CABIN1: variants seen among roughly 807,000 people sequenced by gnomAD.
The protein encoded by CABIN1 is calcineurin binding protein 1, also known as calcineurin-binding protein cabin-1.
CABIN1 carries 133 observed loss-of-function variants against 227.7 expected under a neutral mutation model. That is an observed-to-expected ratio of 0.58 (90% CI 0.51 to 0.67). The LOEUF is 0.67. Among genes scored for constraint, CABIN1 ranks in the 30% least tolerant of loss-of-function variants. The pLI, the probability that CABIN1 is intolerant of heterozygous loss-of-function variation, is 0.00. For synonymous variants in CABIN1, 1,086 were observed against 1,155.1 expected (o/e 0.94, Z 1.21); for missense variants, 2,408 against 2,852.5 (o/e 0.84, Z 3.55).
rs765596975 is a variant in CABIN1, at chr22:24,064,025, G to A, written c.1885-10G>A. The A allele has an allele frequency of 5.9e-5, 96 of 1,613,906 alleles. No homozygotes were observed. The highest frequency in any genetic ancestry group is 7.1e-5 in the Non-Finnish European group (84 of 1,180,024). On this transcript the variant is annotated splice_polypyrimidine_tract_variant and intron_variant, in intron 14 of 36. Transcript: ENST00000263119. ...GCTTTGGTTCCCTGACCTGTTTTCC[G>A]TCTAACCAGGGAGACATGGAGCAGG...
intron 1 of CABIN1, among the ~76,000 whole-genome samples, chr22:24,023,101 G>T (rs919768948): frequency 4.6e-5 from 7 of 152,078 alleles, no homozygotes; most frequent in African/African-American, 7.2e-5. Flanking sequence ...CTTCTTGCAG[G>T]CTGTGGTACT....
intron 1 of CABIN1, among the ~76,000 whole-genome samples, chr22:24,020,326 A>AT (rs1324644924): frequency 4.0e-5 from 6 of 151,648 alleles, no homozygotes; most frequent in South Asian, 2.1e-4. Flanking sequence ...TCTATTTTTT[A>AT]TTTTTTTATT....
chr22:24,033,622 C>T (rs915725906), intron 1 of CABIN1, among the ~76,000 whole-genome samples: 1 of 152,186 alleles, frequency 6.6e-6, no homozygotes, highest in Non-Finnish European at 1.5e-5. Flanking sequence ...TTGGTAGTGT[C>T]CATATCCCCA....
chr22:24,165,424 C>A, intron 30 of CABIN1, 106 bp from the exon 31 acceptor site: 1 of 1,049,702 alleles, frequency 9.5e-7, no homozygotes, highest in Non-Finnish European at 1.4e-6. Flanking sequence ...CACTGAGGAA[C>A]AAACAGGCAT....
chr22:24,067,276 T>A (rs1201887562), intron 16 of CABIN1, 95 bp downstream of exon 16: 4 of 1,287,330 alleles, frequency 3.1e-6, no homozygotes, highest in Non-Finnish European at 4.4e-6. Flanking sequence ...TTCTTAAGAA[T>A]GTATAGCTAG....
At chr22:24,127,590 A>T (rs138334054) in intron 28 of CABIN1, among the ~76,000 whole-genome samples, 102 of 152,296 alleles carry the variant, frequency 6.7e-4, no homozygotes, top group African/African-American at 2.4e-3. Flanking sequence ...ACAAAAGGCA[A>T]ATACTGAATG....
chr22:24,070,975 G>T lies in CABIN1; in HGVS notation c.2408G>T (p.Ser803Ile). ...GIEQALSADSSGSILKVSSST... is the reference protein window; with the variant it reads ...GIEQALSADSIGSILKVSSST... Reference sequence around the variant, plus strand: ...GAGCAGGCCCTCTCTGCGGACAGCAGTGGTAGCATCCTGAAGGTATCATCC... The same window carrying T: ...GAGCAGGCCCTCTCTGCGGACAGCATTGGTAGCATCCTGAAGGTATCATCC... Residue 803 changes from serine to isoleucine, a missense_variant, in exon 17 of 37, where the codon AGT becomes ATT. Physicochemically the swap from Ser to Ile is moderately radical, Grantham distance 142. Around this residue, in one of 3 missense-constraint regions of CABIN1, gnomAD observed 1,045 missense variants for 1,168.4 expected, o/e 0.89. Coordinates refer to ENST00000263119, the MANE Select transcript of CABIN1 (RefSeq NM_012295.4). The T allele has an allele frequency of 6.2e-7, 1 of 1,614,236 alleles. No individual in the cohort carries two copies. Among genetic ancestry groups the T allele is most frequent in the African/African-American group, 1.3e-5 (1 of 75,068 alleles).
At chr22:24,074,941 C>T (rs2040337818) in intron 18 of CABIN1, among the ~76,000 whole-genome samples, 1 of 152,182 alleles carries the variant, frequency 6.6e-6, no homozygotes, top group Non-Finnish European at 1.5e-5. Flanking sequence ...TCCTGTAATT[C>T]CCACACTTCA....
intron 1 of CABIN1, among the ~76,000 whole-genome samples, chr22:24,034,205 C>T (rs546804447): frequency 6.6e-6 from 1 of 152,366 alleles, no homozygotes; most frequent in African/African-American, 2.4e-5. Context: ...TCACCTGCCG[C>T]TCATCTCCTG....
chr22:24,030,945 T>G (rs2146831782), intron 1 of CABIN1, among the ~76,000 whole-genome samples: 1 of 152,334 alleles, frequency 6.6e-6, no homozygotes, highest in African/African-American at 2.4e-5. Context: ...CAGGCACACC[T>G]GGCACCATTC....
At chr22:24,020,998 T>A (rs1012289411) in intron 1 of CABIN1, among the ~76,000 whole-genome samples, 3 of 152,066 alleles carry the variant, frequency 2.0e-5, no homozygotes, top group East Asian at 1.9e-4. Flanking sequence ...GATTTGTCTT[T>A]AAAAAAATTT....
chr22:24,018,702 C>G (rs1363263138), intron 1 of CABIN1, among the ~76,000 whole-genome samples: 1 of 152,080 alleles, frequency 6.6e-6, no homozygotes, highest in African/African-American at 2.4e-5. Flanking sequence ...GTTTTAATGT[C>G]TGTTATACCT....
chr22:24,085,871 G>A (rs1378795603), intron 22 of CABIN1, among the ~76,000 whole-genome samples: 1 of 152,200 alleles, frequency 6.6e-6, no homozygotes, highest in East Asian at 1.9e-4. Context: ...CATCTAAAGG[G>A]TTCAGAGTAG....
chr22:24,080,705 T>A (rs1013618300), intron 19 of CABIN1, among the ~76,000 whole-genome samples: 1 of 152,208 alleles, frequency 6.6e-6, no homozygotes, highest in Non-Finnish European at 1.5e-5. Flanking sequence ...ATTAGTGTTG[T>A]AAATAGATAT....
At chr22:24,041,676 A>G (rs1037278030) in intron 5 of CABIN1, among the ~76,000 whole-genome samples, 8 of 152,338 alleles carry the variant, frequency 5.3e-5, no homozygotes, top group Admixed American at 6.5e-5. Context: ...TGAGCATTCA[A>G]TATATTAATA....
chr22:24,067,955 A>G (rs750209489), intron 16 of CABIN1, among the ~76,000 whole-genome samples: 2 of 152,072 alleles, frequency 1.3e-5, no homozygotes, highest in Non-Finnish European at 2.9e-5. Flanking sequence ...GCTTAGTGGC[A>G]TTGAGTCCTG....
intron 3 of CABIN1, among the ~76,000 whole-genome samples, chr22:24,038,128 G>T (rs1032489602): frequency 1.3e-5 from 2 of 152,130 alleles, no homozygotes; most frequent in African/African-American, 4.8e-5. Flanking sequence ...TTTAAACAGA[G>T]ATTCCATCAC....
chr22:24,159,816 G>A (rs1184528136), intron 29 of CABIN1, among the ~76,000 whole-genome samples: 1 of 152,178 alleles, frequency 6.6e-6, no homozygotes, highest in Non-Finnish European at 1.5e-5. Context: ...GGCACCCATG[G>A]TGCTGGTGGA....
intron 29 of CABIN1, among the ~76,000 whole-genome samples, chr22:24,155,258 C>T (rs1456177145): frequency 1.3e-5 from 2 of 152,300 alleles, no homozygotes; most frequent in African/African-American, 2.4e-5. Context: ...GTGAGGCCCT[C>T]CCCTCCTGAG....
Sources: allele counts gnomAD v4.1 joint callset (sites outside exome capture counted in the v4.1 genomes callset), GRCh38; gene constraint gnomAD v4.1.1; regional missense constraint gnomAD v4.1.1; transcripts MANE v1.5; gene names NCBI Gene and HGNC (gene_info 2026-07-23, HGNC 2026-07-21).